The following CUX2 variants were observed in gnomAD, a reference collection of about 807,000 sequenced individuals.
The protein encoded by CUX2 is cut like homeobox 2.
A neutral mutation model predicts 144.8 loss-of-function variants in CUX2; 40 were observed. The ratio of observed to expected loss-of-function variants is 0.28; its 90% CI spans 0.21 to 0.36. The LOEUF is 0.36. Ranked by LOEUF, CUX2 falls within the 10% of genes least tolerant of loss-of-function variation. The pLI is 1.00. For missense variants in CUX2, 1,615 were observed against 1,994.0 expected, an observed-to-expected ratio of 0.81 and a Z score of 3.62; for synonymous variants, 827 against 875.6, an observed-to-expected ratio of 0.94 and a Z score of 0.98.
At chr12:111,326,706 C>G (rs1388190515) in intron 18 of CUX2, among the ~76,000 whole-genome samples, 2 of 152,024 alleles carry the variant, frequency 1.3e-5, no homozygotes, top group Non-Finnish European at 2.9e-5. Flanking sequence ...GAATTTGAGA[C>G]CAGCCTGGCC....
At chr12:111,180,157 GACA>G (rs1212388239) in intron 1 of CUX2, among the ~76,000 whole-genome samples, 2 of 147,560 alleles carry the variant, frequency 1.4e-5, no homozygotes, top group Non-Finnish European at 3.0e-5. Context: ...CCTCACCTTG[GACA>G]ACAAGCTCAT....
intron 1 of CUX2, among the ~76,000 whole-genome samples, chr12:111,076,486 C>T (rs906881225): frequency 5.9e-5 from 9 of 152,210 alleles, no homozygotes; most frequent in Non-Finnish European, 1.0e-4. Flanking sequence ...CAGGAAGTGG[C>T]AGAGCCGGGA....
chr12:111,164,609 C>G (rs1433167963), intron 1 of CUX2, among the ~76,000 whole-genome samples: 1 of 151,690 alleles, frequency 6.6e-6, no homozygotes, highest in Non-Finnish European at 1.5e-5. Context: ...AGAGAACAAG[C>G]AAAAGACAAT....
chr12:111,057,886 C>T lies in CUX2; in HGVS notation c.63+23646C>T, dbSNP rs1003170177. Among the ~76,000 whole-genome samples, 6 of 152,234 alleles carry T rather than the reference C, an allele frequency of 3.9e-5. No homozygotes were observed. Among genetic ancestry groups the T allele is most frequent in the African/African-American group, 1.4e-4 (6 of 41,542 alleles). ...TCTGCCCAGAGTCACTTAATGGGGA[C>T]GCCTGGGTAATGACTGAACGCGCTA... On this transcript the variant is annotated intron_variant, in intron 1 of 21. Coordinates refer to ENST00000261726, the MANE Select transcript of CUX2 (RefSeq NM_015267.4). This position sits in a 1 kb window ranked among gnomAD's most constrained non-coding sequence, Gnocchi z 5.1.
chr12:111,237,773 C>T (rs892935180), intron 3 of CUX2, among the ~76,000 whole-genome samples: 2 of 152,304 alleles, frequency 1.3e-5, no homozygotes, highest in South Asian at 4.1e-4. Flanking sequence ...CCCGTCATTG[C>T]ACTTCTTTGA....
intron 1 of CUX2, chr12:111,100,222 T>TCTGTGTGTGTCCTTGTGC: frequency 2.8e-6 from 1 of 361,884 alleles, no homozygotes; most frequent in African/African-American, 2.1e-5. Flanking sequence ...TGTGCTTGTG[T>TCTGTGTGTGTCCTTGTGC]CTGTGTGTGT....
At chr12:111,164,910 T>A (rs1345893009) in intron 1 of CUX2, among the ~76,000 whole-genome samples, 2 of 152,182 alleles carry the variant, frequency 1.3e-5, no homozygotes, top group African/African-American at 4.8e-5. Flanking sequence ...TAACAAGATC[T>A]CCAGGTGACT....
In CUX2 at chr12:111,034,397, A is replaced by G. The variant is rs1306476220; in HGVS notation, c.63+157A>G. 6.6e-6 allele frequency among the ~76,000 whole-genome samples: 1 copy of G among 150,528 alleles called. No individual in the cohort carries two copies. The highest frequency in any genetic ancestry group is 2.0e-4 in the East Asian group (1 of 5,000). ...GCTCGGCCGCCCGCTGCCCATCGAT[A>G]GGTATTAGGAATTGATCTCGCCGCT... On this transcript the variant is annotated intron_variant, in intron 1 of 21. Coordinates refer to ENST00000261726, the MANE Select transcript of CUX2 (RefSeq NM_015267.4). The surrounding 1 kb of genome is among the most constrained non-coding windows in gnomAD (Gnocchi z 4.2).
intron 1 of CUX2, among the ~76,000 whole-genome samples, chr12:111,112,431 C>T (rs1211262831): frequency 6.6e-6 from 1 of 152,168 alleles, no homozygotes; most frequent in African/African-American, 2.4e-5. Flanking sequence ...GCTGAAACCC[C>T]GCTTTTTATT....
chr12:111,199,784 TTC>T (rs1281474388), intron 1 of CUX2, among the ~76,000 whole-genome samples: 2 of 152,142 alleles, frequency 1.3e-5, no homozygotes, highest in Non-Finnish European at 2.9e-5. Context: ...GTACGTGTGT[TTC>T]TGTGTGTTTG....
At chr12:111,247,019 T>A (rs80083702) in intron 3 of CUX2, among the ~76,000 whole-genome samples, 1 of 152,324 alleles carries the variant, frequency 6.6e-6, no homozygotes, top group African/African-American at 2.4e-5. Flanking sequence ...ATCTATTGAG[T>A]ATCTTCTGTT....
chr12:111,316,227 C>T (rs1044304445), intron 16 of CUX2, among the ~76,000 whole-genome samples: 2 of 151,348 alleles, frequency 1.3e-5, no homozygotes, highest in Admixed American at 6.6e-5. Context: ...CCACAACCTC[C>T]GCCTCCTGGG....
Position 111,063,188 on chromosome 12 carries a change from A to G in CUX2, c.63+28948A>G, listed in dbSNP as rs185545573. Among the ~76,000 whole-genome samples, 6 of 152,320 alleles carry G rather than the reference A, an allele frequency of 3.9e-5. No homozygotes were observed. In the East Asian group the frequency reaches 1.2e-3, roughly 29 times the overall value. Reference sequence around the variant, plus strand: ...CCAGTCTCCCAAGGTTGGCACAAGAATAAAGCAATTTCCCTGGGCAGATGA... The same window carrying G: ...CCAGTCTCCCAAGGTTGGCACAAGAGTAAAGCAATTTCCCTGGGCAGATGA... On this transcript the variant is annotated intron_variant, in intron 1 of 21. Transcript: ENST00000261726.
chr12:111,202,450 C>A (rs2136210649), intron 1 of CUX2, among the ~76,000 whole-genome samples: 1 of 152,354 alleles, frequency 6.6e-6, no homozygotes, highest in Non-Finnish European at 1.5e-5. Context: ...AGGACAGCCA[C>A]CTCCAGGTCC....
rs1869310585 is a variant in CUX2, at chr12:111,034,391, A to G, written c.63+151A>G. 5.7e-6 allele frequency: 1 copy of G among 176,510 alleles called. No individual in the cohort carries two copies. Among genetic ancestry groups the G allele is most frequent in the African/African-American group, 2.4e-5 (1 of 41,622 alleles). 10.9% of individuals were successfully genotyped at this position (176,510 alleles called of 1,614,324 possible). On this transcript the variant is annotated intron_variant, in intron 1 of 21. Coordinates refer to ENST00000261726, the MANE Select transcript of CUX2 (RefSeq NM_015267.4). This position sits in a 1 kb window ranked among gnomAD's most constrained non-coding sequence, Gnocchi z 4.2. ...GCCGGGGCTCGGCCGCCCGCTGCCC[A>G]TCGATAGGTATTAGGAATTGATCTC...
At chr12:111,218,643 C>T (rs948768081) in intron 3 of CUX2, among the ~76,000 whole-genome samples, 1 of 152,180 alleles carries the variant, frequency 6.6e-6, no homozygotes, top group Non-Finnish European at 1.5e-5. Context: ...CCTCTCTTGG[C>T]ATTCTGCTGT....
intron 3 of CUX2, among the ~76,000 whole-genome samples, chr12:111,249,219 G>A (rs373709454): frequency 3.3e-5 from 5 of 152,074 alleles, no homozygotes; most frequent in Admixed American, 6.6e-5. Flanking sequence ...TCTGGAGCCC[G>A]GGCTGGAAAT....
intron 3 of CUX2, among the ~76,000 whole-genome samples, chr12:111,259,031 C>G (rs1446021877): frequency 3.0e-5 from 4 of 132,218 alleles, no homozygotes; most frequent in Non-Finnish European, 6.5e-5. Flanking sequence ...CCACACCCAG[C>G]TGTGTGTGTG....
chr12:111,336,823 C>T (rs1013435018), intron 19 of CUX2, among the ~76,000 whole-genome samples: 1 of 152,016 alleles, frequency 6.6e-6, no homozygotes, highest in African/African-American at 2.4e-5. Context: ...AATTTCCTCT[C>T]CTTTTTTTTC....
Sources: gnomAD v4.1 joint callset for allele counts (sites outside exome capture counted in the v4.1 genomes callset) on GRCh38, gnomAD v4.1.1 for gene constraint, Gnocchi (gnomAD v3.1) non-coding constraint, MANE v1.5 for transcripts, NCBI Gene and HGNC (gene_info 2026-07-23, HGNC 2026-07-21) for gene names.